PRELID2: variants seen among roughly 807,000 people sequenced by gnomAD.
PRELID2 encodes the protein PRELI domain-containing protein 2.
A neutral mutation model predicts 28.4 loss-of-function variants in PRELID2; 25 were observed. The ratio of observed to expected loss-of-function variants is 0.88; its 90% CI spans 0.64 to 1.23. The LOEUF (loss-of-function observed/expected upper bound fraction) is 1.23, where lower values mean the gene tolerates loss of function less well. PRELID2 is among the 50% of genes most tolerant of loss of function. PRELID2 has a pLI of 0.00. For missense variants in PRELID2, 201 were observed against 214.4 expected (o/e 0.94, Z 0.39); for synonymous variants, 76 against 71.6 (o/e 1.06, Z -0.31).
chr5:145,549,961 A>T (rs943613511), intron 1 of PRELID2, among the ~76,000 whole-genome samples: 16 of 152,066 alleles, frequency 1.1e-4, no homozygotes, highest in Non-Finnish European at 2.1e-4. Context: ...CTTTCAATTC[A>T]GTTGGAAAGT....
At chr5:145,675,422 C>A (rs1043094419) in intron 1 of PRELID2, among the ~76,000 whole-genome samples, 2 of 152,192 alleles carry the variant, frequency 1.3e-5, no homozygotes, top group African/African-American at 4.8e-5. Context: ...TTCTCATACA[C>A]CGCTGGTACA....
At chr5:145,710,136 T>C (rs1252082417) in intron 1 of PRELID2, among the ~76,000 whole-genome samples, 1 of 152,214 alleles carries the variant, frequency 6.6e-6, no homozygotes, top group African/African-American at 2.4e-5. Flanking sequence ...TATTAATTTT[T>C]CCTCCATGAA....
intron 1 of PRELID2, among the ~76,000 whole-genome samples, chr5:145,735,510 G>GCATA (rs1756472034): frequency 6.6e-6 from 1 of 152,070 alleles, no homozygotes; most frequent in Non-Finnish European, 1.5e-5. Context: ...TGATAAGGAA[G>GCATA]CATAACTCAA....
chr5:145,674,968 C>T (rs1369022838), intron 1 of PRELID2, among the ~76,000 whole-genome samples: 2 of 151,612 alleles, frequency 1.3e-5, no homozygotes, highest in African/African-American at 4.8e-5. Context: ...TGTAAGACTA[C>T]CACTATATCA....
intron 4 of PRELID2, 95 bp downstream of exon 4, chr5:145,817,799 G>A: frequency 1.0e-6 from 1 of 1,001,390 alleles, no homozygotes; most frequent in Non-Finnish European, 1.4e-6. Flanking sequence ...GTTATAAACA[G>A]TGGTCATAAG....
At chr5:145,418,395 A>G in the PRELID2 span, among the ~76,000 whole-genome samples, 1 of 152,206 alleles carries the variant, frequency 6.6e-6, no homozygotes, top group African/African-American at 2.4e-5. Context: ...AACTATTTTA[A>G]AATTCATAGA....
the PRELID2 span, among the ~76,000 whole-genome samples, chr5:145,436,782 A>G: frequency 6.6e-6 from 1 of 152,164 alleles, no homozygotes; most frequent in Non-Finnish European, 1.5e-5. Flanking sequence ...TGAGACTAAC[A>G]GTAGGTGTTC....
At chr5:145,437,638 C>A in the PRELID2 span, among the ~76,000 whole-genome samples, 1 of 152,220 alleles carries the variant, frequency 6.6e-6, no homozygotes, top group East Asian at 1.9e-4. Flanking sequence ...TTGGATTCAA[C>A]TGACCACATG....
the PRELID2 span, among the ~76,000 whole-genome samples, chr5:145,249,727 C>G: frequency 6.6e-6 from 1 of 152,034 alleles, no homozygotes; most frequent in Non-Finnish European, 1.5e-5. Context: ...GTTTTATTCT[C>G]TAGTATTAAG....
intron 1 of PRELID2, among the ~76,000 whole-genome samples, chr5:145,645,748 ATTTG>A (rs1754186804): frequency 6.6e-6 from 1 of 152,170 alleles, no homozygotes; most frequent in African/African-American, 2.4e-5. Context: ...ATCTCTCAGC[ATTTG>A]TTTGTCTGTA....
At chr5:145,819,828 G>T in intron 3 of PRELID2, 117 bp downstream of exon 3, 1 of 749,152 alleles carries the variant, frequency 1.3e-6, no homozygotes. Context: ...AAGGTTCTGA[G>T]GTAAAAGGAG....
At chr5:145,697,080 T>TATAAATATATATATATATATATATAC (rs1554084239) in intron 1 of PRELID2, among the ~76,000 whole-genome samples, 1 of 85,962 alleles carries the variant, frequency 1.2e-5, no homozygotes, top group African/African-American at 5.1e-5. Flanking sequence ...TATATATATA[T>TATAAATATATATATATATATATATAC]ACACACACAC....
At chr5:145,243,847 G>T in the PRELID2 span, among the ~76,000 whole-genome samples, 4 of 152,048 alleles carry the variant, frequency 2.6e-5, no homozygotes, top group Non-Finnish European at 5.9e-5. Flanking sequence ...TCAAAAAGAA[G>T]ATCATACATT....
chr5:145,612,262 A>G lies in PRELID2; in HGVS notation n.71-138947T>C, dbSNP rs150890828. On this transcript the variant is annotated intron_variant and non_coding_transcript_variant, in intron 1 of 2. Coordinates refer to the PRELID2 transcript ENST00000510259. ...ATATTCATGTACTTAGGTAAGGGAA[A>G]GACTTATATAATCTTAAAGGAAAAG... 2.7e-3 allele frequency among the ~76,000 whole-genome samples: 413 copies of G among 152,328 alleles called. 2 individuals are homozygous for G. Among genetic ancestry groups the G allele is most frequent in the African/African-American group, 9.6e-3 (398 of 41,574 alleles).
At chr5:145,814,672 A>C (rs1193741585) in intron 4 of PRELID2, among the ~76,000 whole-genome samples, 2 of 152,184 alleles carry the variant, frequency 1.3e-5, no homozygotes, top group African/African-American at 4.8e-5. Flanking sequence ...ATAAAATGAT[A>C]AGTATATAAT....
At position 145,781,762 on chromosome 5, in the gene PRELID2, C is replaced by CTA. The variant is rs112358316; in HGVS notation, c.474+14678_474+14679dup. On this transcript the variant is annotated intron_variant, in intron 5 of 6. Transcript: ENST00000683046. ...TATATACTATATCTATATATATACA[C>CTA]TATATATATATATATACTATATCTA... Among the ~76,000 whole-genome samples, 1,045 of 142,552 alleles carry CTA rather than the reference C, an allele frequency of 7.3e-3. 22 individuals carry two copies. The highest frequency in any genetic ancestry group is 0.038 in the Admixed American group (524 of 13,894). The allele number at this position is 142,552 out of a possible 152,430, so 93.5% of individuals were successfully genotyped here.
At chr5:145,704,528 T>C (rs1186133456) in intron 1 of PRELID2, among the ~76,000 whole-genome samples, 1 of 152,206 alleles carries the variant, frequency 6.6e-6, no homozygotes, top group African/African-American at 2.4e-5. Flanking sequence ...CACTTGGTGT[T>C]ACTAAGGTTT....
intron 5 of PRELID2, among the ~76,000 whole-genome samples, chr5:145,789,067 T>C (rs1581205878): frequency 1.3e-5 from 2 of 152,268 alleles, no homozygotes; most frequent in East Asian, 3.9e-4. Flanking sequence ...AACTTATCCA[T>C]AATACCCAAA....
chr5:145,679,163 T>C (rs1581051217), intron 1 of PRELID2, among the ~76,000 whole-genome samples: 1 of 152,208 alleles, frequency 6.6e-6, no homozygotes, highest in Admixed American at 6.5e-5. Flanking sequence ...CCCCTTGGGA[T>C]TGAAACTCTC....
Sources: gnomAD v4.1 joint callset for allele counts (sites outside exome capture counted in the v4.1 genomes callset) on GRCh38, gnomAD v4.1.1 for gene constraint, MANE v1.5 for transcripts, NCBI Gene and HGNC (gene_info 2026-07-23, HGNC 2026-07-21) for gene names.